FILIP1: variants seen among roughly 807,000 people sequenced by gnomAD.
FILIP1 encodes filamin A interacting protein 1.
In FILIP1, 61 loss-of-function variants were observed where a neutral mutation model predicts 102.1. That is an observed-to-expected ratio of 0.60 (90% confidence interval 0.49 to 0.74). The LOEUF is 0.74. Ranked by LOEUF, FILIP1 falls within the 30% of genes least tolerant of loss-of-function variation. The pLI is 0.00. For missense variants in FILIP1, 1,314 were observed against 1,441.2 expected (o/e 0.91, Z 1.43); for synonymous variants, 491 against 526.9 (o/e 0.93, Z 0.93).
intron 2 of FILIP1, among the ~76,000 whole-genome samples, chr6:75,384,114 T>C (rs541633162): frequency 2.2e-4 from 34 of 152,318 alleles, no homozygotes; most frequent in African/African-American, 8.2e-4. Context: ...CGTCTTTCAG[T>C]TGAGTCTTTT....
intron 5 of FILIP1, 115 bp from the exon 6 acceptor site, chr6:75,309,012 C>A: frequency 9.6e-7 from 1 of 1,041,376 alleles, no homozygotes; most frequent in East Asian, 2.5e-5. Context: ...CACAGAAGAC[C>A]CTTCCCCAGA....
intron 5 of FILIP1, among the ~76,000 whole-genome samples, chr6:75,310,578 G>T (rs1344419279): frequency 6.6e-6 from 1 of 152,198 alleles, no homozygotes; most frequent in Non-Finnish European, 1.5e-5. Flanking sequence ...TGCTACCCGT[G>T]TATGAGGTTT....
chr6:75,374,952 T>C (rs994808918), intron 2 of FILIP1, among the ~76,000 whole-genome samples: 1 of 152,238 alleles, frequency 6.6e-6, no homozygotes, highest in Admixed American at 6.5e-5. Context: ...AATCCTTCTA[T>C]GTAATTCCAT....
At chr6:75,364,116 A>G (rs1040056592) in intron 2 of FILIP1, among the ~76,000 whole-genome samples, 1 of 152,240 alleles carries the variant, frequency 6.6e-6, no homozygotes, top group African/African-American at 2.4e-5. Context: ...ATGTCAGTGA[A>G]CTGGAATTTG....
intron 2 of FILIP1, among the ~76,000 whole-genome samples, chr6:75,393,667 T>TA (rs1362168562): frequency 6.6e-6 from 1 of 152,202 alleles, no homozygotes; most frequent in Non-Finnish European, 1.5e-5. Flanking sequence ...TATCATAAGG[T>TA]AAAATAGCTT....
At chr6:75,368,209 C>T (rs1045798063) in intron 2 of FILIP1, among the ~76,000 whole-genome samples, 1 of 152,106 alleles carries the variant, frequency 6.6e-6, no homozygotes, top group Non-Finnish European at 1.5e-5. Flanking sequence ...CCAGGTGGAA[C>T]AAGGGGTTTC....
chr6:75,471,375 T>G (rs1779324727), intron 1 of FILIP1, among the ~76,000 whole-genome samples: 1 of 151,964 alleles, frequency 6.6e-6, no homozygotes, highest in South Asian at 2.1e-4. Context: ...TAGTATAAAC[T>G]GGTAACTCAC....
chr6:75,457,425 A>G (rs1045505881), intron 1 of FILIP1, among the ~76,000 whole-genome samples: 2 of 152,182 alleles, frequency 1.3e-5, no homozygotes, highest in African/African-American at 4.8e-5. Flanking sequence ...TTCTGTTATG[A>G]CTGATGTGGG....
In FILIP1 at chr6:75,313,097, A is replaced by C. The variant is rs747170419; in HGVS notation, c.2735T>G (p.Ile912Ser). 3.7e-6 allele frequency: 6 copies of C among 1,614,034 alleles called. No homozygotes were observed. The change falls in exon 5 of 6, where the codon ATT becomes AGT. Residue 912 changes from isoleucine to serine, a missense_variant. Coordinates refer to ENST00000237172, the MANE Select transcript of FILIP1 (RefSeq NM_015687.5). This position sits in a 1 kb window ranked among gnomAD's most constrained non-coding sequence, Gnocchi z 4.2. ...LSPKQGQPLHIRVTPDHENST... is the reference protein window; with the variant it reads ...LSPKQGQPLHSRVTPDHENST... ...GTTCTCGTGGTCTGGTGTCACTCGA[A>C]TATGCAGGGGCTGGCCCTGCTTTGG...
downstream of FILIP1, among the ~76,000 whole-genome samples, chr6:75,303,923 G>A (rs117330507): frequency 4.3e-3 from 649 of 152,252 alleles, 2 homozygotes; most frequent in Non-Finnish European, 6.2e-3. Flanking sequence ...CTGTGCAGCA[G>A]GCCTAGAAAA....
chr6:75,372,982 C>T (rs1775625890), intron 2 of FILIP1, among the ~76,000 whole-genome samples: 1 of 152,094 alleles, frequency 6.6e-6, no homozygotes, highest in Non-Finnish European at 1.5e-5. Flanking sequence ...TATTTGAACA[C>T]TCATGTTCAT....
chr6:75,372,248 T>C (rs1775544535), intron 2 of FILIP1, among the ~76,000 whole-genome samples: 1 of 151,340 alleles, frequency 6.6e-6, no homozygotes, highest in African/African-American at 2.4e-5. Flanking sequence ...ATGCCTGTAA[T>C]CCCAGCTACT....
intron 4 of FILIP1, among the ~76,000 whole-genome samples, chr6:75,329,660 A>G (rs1415837152): frequency 1.3e-5 from 2 of 152,164 alleles, no homozygotes; most frequent in East Asian, 3.9e-4. Flanking sequence ...TTTAGTCACA[A>G]TGTGTTTTTT....
At position 75,353,537 on chromosome 6, in the gene FILIP1, A is replaced by G; in HGVS notation, c.629+2T>C. On this transcript the variant is annotated splice_donor_variant, in intron 4 of 5. Transcript: ENST00000237172. LOFTEE classifies it high-confidence loss of function. Reference sequence around the variant, plus strand: ...GTGACTGGTGGTGTGTGTGCACATTACCTCTCCCGCTCCTGCTCCAGCAGG... The same window carrying G: ...GTGACTGGTGGTGTGTGTGCACATTGCCTCTCCCGCTCCTGCTCCAGCAGG... 1 of 1,613,976 alleles carries G rather than the reference A, an allele frequency of 6.2e-7. No homozygotes were observed. The highest frequency in any genetic ancestry group is 1.3e-5 in the African/African-American group (1 of 74,992).
chr6:75,428,752 T>G (rs1281352496), intron 1 of FILIP1, among the ~76,000 whole-genome samples: 1 of 152,184 alleles, frequency 6.6e-6, no homozygotes, highest in Non-Finnish European at 1.5e-5. Context: ...TGCTTGAGAG[T>G]TTAGACTTGT....
At chr6:75,493,029 C>CA (rs1780009470) in intron 1 of FILIP1, among the ~76,000 whole-genome samples, 1 of 152,222 alleles carries the variant, frequency 6.6e-6, no homozygotes, top group African/African-American at 2.4e-5. Flanking sequence ...TAGCTAGTTT[C>CA]AGTAAATGAA....
chr6:75,328,000 A>G (rs1773932274), intron 4 of FILIP1, among the ~76,000 whole-genome samples: 1 of 152,194 alleles, frequency 6.6e-6, no homozygotes, highest in South Asian at 2.1e-4. Flanking sequence ...AAATGACCTC[A>G]TGATGATGCA....
intron 4 of FILIP1, among the ~76,000 whole-genome samples, chr6:75,338,144 C>A (rs896912819): frequency 3.9e-5 from 6 of 152,124 alleles, no homozygotes; most frequent in African/African-American, 7.2e-5. Flanking sequence ...ATATTAGGAG[C>A]TATGCAGAAA....
chr6:75,395,313 T>C (rs751999163), intron 2 of FILIP1, among the ~76,000 whole-genome samples: 25 of 152,324 alleles, frequency 1.6e-4, no homozygotes, highest in Admixed American at 7.8e-4. Context: ...GGAGTCTCGC[T>C]CTGTCATCCA....
Sources: allele counts gnomAD v4.1 joint callset (sites outside exome capture counted in the v4.1 genomes callset), GRCh38; gene constraint gnomAD v4.1.1; non-coding constraint Gnocchi (gnomAD v3.1); transcripts MANE v1.5; gene names NCBI Gene and HGNC (gene_info 2026-07-23, HGNC 2026-07-21).